Variants in CLIP1 observed in about 807,000 individuals in gnomAD.
CLIP1 encodes CAP-Gly domain containing linker protein 1.
CLIP1 carries 66 observed loss-of-function variants against 161.6 expected under a neutral mutation model. The observed-to-expected ratio is 0.41, with a 90% CI of 0.33 to 0.50. The LOEUF is 0.50. CLIP1 is among the 20% of genes least tolerant of loss of function. The pLI is 0.27. For synonymous variants in CLIP1, 598 were observed against 626.2 expected (o/e 0.96, Z 0.67); for missense variants, 1,376 against 1,702.0 (o/e 0.81, Z 3.37).
At chr12:122,273,563 T>G (rs1346567857) in intron 25 of CLIP1, among the ~76,000 whole-genome samples, 1 of 151,864 alleles carries the variant, frequency 6.6e-6, no homozygotes, top group African/African-American at 2.4e-5. Context: ...ATTTAAAATC[T>G]TCATGTCAAA....
At chr12:122,414,185 T>A (rs1349595975) in intron 1 of CLIP1, among the ~76,000 whole-genome samples, 7 of 152,166 alleles carry the variant, frequency 4.6e-5, no homozygotes, top group African/African-American at 1.7e-4. Context: ...GTTGTCCAGC[T>A]TGGAGTGCAG....
At chr12:122,408,991 T>TA (rs1172417319) in intron 1 of CLIP1, among the ~76,000 whole-genome samples, 1 of 151,918 alleles carries the variant, frequency 6.6e-6, no homozygotes, top group Non-Finnish European at 1.5e-5. Context: ...TTTATATTTT[T>TA]GTAGAGACAG....
At position 122,351,148 on chromosome 12, in the gene CLIP1, C is replaced by A; in HGVS notation, c.1369-5G>T. 6.8e-7 allele frequency: 1 copy of A among 1,477,642 alleles called. No homozygotes were observed. Among genetic ancestry groups the A allele is most frequent in the South Asian group, 1.4e-5 (1 of 73,902 alleles). The allele number at this position is 1,477,642 out of a possible 1,614,324, so 91.5% of individuals were successfully genotyped here. ...TTCAGAAATCTGGCTCTTTTGCTAT[C>A]AGTAAAAAAATAAAAAAAATTAAAC... On this transcript the variant is annotated splice_polypyrimidine_tract_variant and splice_region_variant and intron_variant, in intron 8 of 25. Coordinates refer to ENST00000620786, the MANE Select transcript of CLIP1 (RefSeq NM_001247997.2).
intron 20 of CLIP1, among the ~76,000 whole-genome samples, chr12:122,291,139 C>T (rs547801371): frequency 8.6e-5 from 13 of 151,478 alleles, no homozygotes; most frequent in African/African-American, 2.4e-4. Flanking sequence ...GTGATCCACC[C>T]GCCTCAGCCA....
chr12:122,413,527 G>A (rs968927689), intron 1 of CLIP1, among the ~76,000 whole-genome samples: 1 of 152,146 alleles, frequency 6.6e-6, no homozygotes, highest in Non-Finnish European at 1.5e-5. Flanking sequence ...TTAGACATAA[G>A]TAAGCAAAGG....
At position 122,351,092 on chromosome 12, in the gene CLIP1, C is replaced by G. The variant is rs1193024278; in HGVS notation, c.1401+19G>C. The G allele has an allele frequency of 6.5e-7, 1 of 1,532,990 alleles. No homozygotes were observed. Among genetic ancestry groups the G allele is most frequent in the African/African-American group, 1.4e-5 (1 of 73,526 alleles). 95.0% of individuals were successfully genotyped at this position (1,532,990 alleles called of 1,614,324 possible). A position where few individuals can be genotyped will look rare whatever the true frequency, so the allele number is the denominator to read the frequency against. ...TTTGTTAACAAGGGAAATATCCACA[C>G]AGTTAAGTGCCCTCTTACATTCTCA... On this transcript the variant is annotated intron_variant, in intron 9 of 25. Transcript: ENST00000620786.
intron 20 of CLIP1, among the ~76,000 whole-genome samples, chr12:122,306,971 C>T (rs1950895560): frequency 6.7e-6 from 1 of 149,800 alleles, no homozygotes; most frequent in Admixed American, 6.7e-5. Context: ...TCCTCCACTG[C>T]CTATCTGTGT....
intron 1 of CLIP1, among the ~76,000 whole-genome samples, chr12:122,420,675 C>T (rs936131424): frequency 6.6e-6 from 1 of 152,118 alleles, no homozygotes; most frequent in Non-Finnish European, 1.5e-5. Flanking sequence ...GTAGTTCACA[C>T]CTGTAATCCC....
chr12:122,385,447 C>T (rs991785934), intron 1 of CLIP1, among the ~76,000 whole-genome samples: 4 of 152,144 alleles, frequency 2.6e-5, no homozygotes, highest in Non-Finnish European at 5.9e-5. Context: ...TTCTTACACT[C>T]CCAGGGGATA....
intron 1 of CLIP1, among the ~76,000 whole-genome samples, chr12:122,401,528 C>T (rs566802207): frequency 7.9e-5 from 12 of 152,062 alleles, no homozygotes; most frequent in South Asian, 2.1e-4. Flanking sequence ...AGCCAGGCGG[C>T]GTGGTGGCAC....
chr12:122,341,916 T>G (rs1952530191), intron 10 of CLIP1: 1 of 340,270 alleles, frequency 2.9e-6, no homozygotes, highest in Non-Finnish European at 5.3e-6. Context: ...CCTGAGTAGC[T>G]AGGATTACAG....
chr12:122,349,711 A>G (rs1226471189), intron 9 of CLIP1, among the ~76,000 whole-genome samples: 1 of 152,236 alleles, frequency 6.6e-6, no homozygotes, highest in East Asian at 1.9e-4. Flanking sequence ...ATTGAGAAGG[A>G]AAGCAAAGGC....
chr12:122,408,536 G>C (rs1457887432), intron 1 of CLIP1, among the ~76,000 whole-genome samples: 1 of 151,886 alleles, frequency 6.6e-6, no homozygotes, highest in East Asian at 2.0e-4. Flanking sequence ...TTTTAGTGGA[G>C]ACAGGGTTTC....
At chr12:122,371,448 G>A (rs1486535848) in intron 3 of CLIP1, among the ~76,000 whole-genome samples, 1 of 152,146 alleles carries the variant, frequency 6.6e-6, no homozygotes, top group African/African-American at 2.4e-5. Flanking sequence ...CATAGAAAAC[G>A]CTCCAAACAT....
chr12:122,420,934 CATT>C, intron 1 of CLIP1, among the ~76,000 whole-genome samples: 1 of 151,708 alleles, frequency 6.6e-6, no homozygotes, highest in Middle Eastern at 3.4e-3. Context: ...GGCTCCCTCT[CATT>C]GATTGATTGA....
At chr12:122,297,211 G>A (rs1009717711) in intron 20 of CLIP1, among the ~76,000 whole-genome samples, 2 of 152,136 alleles carry the variant, frequency 1.3e-5, no homozygotes, top group Non-Finnish European at 2.9e-5. Context: ...AACATGGTGG[G>A]TACTTGGTTT....
intron 20 of CLIP1, among the ~76,000 whole-genome samples, chr12:122,304,986 A>AT (rs1026154645): frequency 6.6e-6 from 1 of 152,132 alleles, no homozygotes; most frequent in Non-Finnish European, 1.5e-5. Context: ...GCTAACCCCA[A>AT]TTTTTTTGTA....
chr12:122,308,497 A>C (rs1053174910), intron 20 of CLIP1, among the ~76,000 whole-genome samples: 2 of 152,218 alleles, frequency 1.3e-5, no homozygotes, highest in African/African-American at 4.8e-5. Context: ...TCATCAAAGG[A>C]GAGTGCAGTG....
intron 10 of CLIP1, chr12:122,341,995 G>A: frequency 5.5e-6 from 1 of 180,500 alleles, no homozygotes; most frequent in Non-Finnish European, 1.2e-5. Context: ...TGTTGGTTAG[G>A]CTGGTCTCAA....
Sources: gnomAD v4.1 joint callset for allele counts (sites outside exome capture counted in the v4.1 genomes callset) on GRCh38, gnomAD v4.1.1 for gene constraint, MANE v1.5 for transcripts, NCBI Gene and HGNC (gene_info 2026-07-23, HGNC 2026-07-21) for gene names.